RAB30: variants seen among roughly 807,000 people sequenced by gnomAD.
The protein encoded by RAB30 is ras-related protein Rab-30.
Under a neutral mutation model 25.1 loss-of-function variants are expected in RAB30, and 9 were observed. The ratio of observed to expected loss-of-function variants is 0.36; its 90% CI spans 0.22 to 0.63. The LOEUF is 0.63. Ranked by LOEUF, RAB30 falls within the 20% of genes least tolerant of loss-of-function variation. The probability of loss-of-function intolerance (pLI) is 0.69; values close to 1 mark genes in which losing one functional copy is unlikely to be tolerated. For synonymous variants in RAB30, 77 were observed against 86.4 expected (o/e 0.89, Z 0.60); for missense variants, 140 against 243.5 (o/e 0.58, Z 2.83).
intron 1 of RAB30, among the ~76,000 whole-genome samples, chr11:83,048,795 C>T (rs529990445): frequency 6.6e-6 from 1 of 152,322 alleles, no homozygotes; most frequent in African/African-American, 2.4e-5. Flanking sequence ...AAGGTCCTGT[C>T]GTGGCTGCTC....
chr11:83,037,528 G>A (rs947170887), intron 1 of RAB30, among the ~76,000 whole-genome samples: 5 of 152,184 alleles, frequency 3.3e-5, no homozygotes, highest in Non-Finnish European at 7.3e-5. Context: ...GGGATTACAG[G>A]TGTGAGCCAC....
chr11:83,024,618 A>G (rs1051453407), intron 1 of RAB30, among the ~76,000 whole-genome samples: 7 of 152,226 alleles, frequency 4.6e-5, no homozygotes, highest in African/African-American at 1.7e-4. Context: ...AACATTGTAT[A>G]TCTCTGGGGG....
intron 1 of RAB30, among the ~76,000 whole-genome samples, chr11:83,026,458 C>T (rs960400267): frequency 2.0e-5 from 3 of 151,916 alleles, no homozygotes; most frequent in African/African-American, 7.3e-5. Flanking sequence ...GTTAAGAGTA[C>T]GGCACCTCTG....
At chr11:83,027,216 T>A (rs1377268898) in intron 1 of RAB30, among the ~76,000 whole-genome samples, 1 of 152,154 alleles carries the variant, frequency 6.6e-6, no homozygotes, top group Non-Finnish European at 1.5e-5. Context: ...ACCTGAATGA[T>A]GGGTACATGG....
At chr11:83,022,363 T>TTA (rs1295163971) in intron 1 of RAB30, among the ~76,000 whole-genome samples, 1 of 152,202 alleles carries the variant, frequency 6.6e-6, no homozygotes, top group Non-Finnish European at 1.5e-5. Flanking sequence ...CTCACTATAT[T>TTA]GCCCAGGCTG....
intron 1 of RAB30, among the ~76,000 whole-genome samples, chr11:83,043,257 C>T (rs1382631108): frequency 6.6e-6 from 1 of 152,180 alleles, no homozygotes; most frequent in Non-Finnish European, 1.5e-5. Context: ...CTAGACCCCT[C>T]TAGAGCAAAG....
At chr11:83,039,423 A>G (rs578097362) in intron 1 of RAB30, among the ~76,000 whole-genome samples, 94 of 152,386 alleles carry the variant, frequency 6.2e-4, no homozygotes, top group Non-Finnish European at 2.6e-4. Flanking sequence ...TCCTGACTAT[A>G]GTCCCAGCAC....
intron 3 of RAB30, 46 bp from the exon 4 acceptor site, chr11:82,987,816 G>A: frequency 8.0e-7 from 1 of 1,245,730 alleles, no homozygotes; most frequent in Middle Eastern, 2.3e-4. Flanking sequence ...GATCAGGTTG[G>A]AGAAAAAAAG....
intron 1 of RAB30, among the ~76,000 whole-genome samples, chr11:83,066,978 T>C (rs1207297759): frequency 6.6e-6 from 1 of 152,202 alleles, no homozygotes; most frequent in African/African-American, 2.4e-5. Context: ...TTAGGTTAAT[T>C]CACTCACTCT....
intron 1 of RAB30, among the ~76,000 whole-genome samples, chr11:83,029,334 A>G (rs7926686): frequency 0.051 from 7,691 of 152,062 alleles, 272 homozygotes; most frequent in East Asian, 0.11. Flanking sequence ...ACTTACCAAG[A>G]TTTTGACACG....
chr11:83,007,330 C>T (rs2121485195), intron 1 of RAB30, among the ~76,000 whole-genome samples: 1 of 152,246 alleles, frequency 6.6e-6, no homozygotes, highest in South Asian at 2.1e-4. Flanking sequence ...CCTTAGAATA[C>T]TTTTCAAGAT....
At chr11:83,011,172 A>T (rs1379117676) in intron 1 of RAB30, among the ~76,000 whole-genome samples, 1 of 152,252 alleles carries the variant, frequency 6.6e-6, no homozygotes, top group African/African-American at 2.4e-5. Context: ...AGAACTTTGG[A>T]AACACAGAAA....
intron 1 of RAB30, among the ~76,000 whole-genome samples, chr11:83,044,545 C>G (rs1858196674): frequency 6.6e-6 from 1 of 152,128 alleles, no homozygotes. Flanking sequence ...CACTACAAGT[C>G]TGTTCAAAGA....
At chr11:83,051,695 AAC>A (rs1858361262) in intron 1 of RAB30, among the ~76,000 whole-genome samples, 1 of 151,988 alleles carries the variant, frequency 6.6e-6, no homozygotes, top group African/African-American at 2.4e-5. Flanking sequence ...AAAAAAAAAA[AAC>A]AAAAACCCTC....
chr11:83,050,511 G>A (rs1828444404), intron 1 of RAB30, among the ~76,000 whole-genome samples: 1 of 152,146 alleles, frequency 6.6e-6, no homozygotes, highest in Admixed American at 6.5e-5. Flanking sequence ...GAGGCAGTAA[G>A]AGTTAAGAAG....
intron 1 of RAB30, among the ~76,000 whole-genome samples, chr11:83,001,778 T>C (rs1342932229): frequency 2.6e-5 from 4 of 152,120 alleles, no homozygotes; most frequent in African/African-American, 9.7e-5. Flanking sequence ...CACCCAGCCC[T>C]AAATTGACAA....
intron 1 of RAB30, among the ~76,000 whole-genome samples, chr11:83,058,135 T>C (rs1338251093): frequency 2.6e-5 from 4 of 152,232 alleles, no homozygotes; most frequent in Admixed American, 6.5e-5. Context: ...ATTACTCAAA[T>C]GCTTTACATT....
chr11:82,992,736 AACACACAC>A (rs113845129), intron 3 of RAB30, among the ~76,000 whole-genome samples: 10 of 131,216 alleles, frequency 7.6e-5, no homozygotes, highest in African/African-American at 1.2e-4. Context: ...CTCTGTCACC[AACACACAC>A]ACACACACAC....
At chr11:83,056,838 T>TA (rs200483775) in intron 1 of RAB30, among the ~76,000 whole-genome samples, 6 of 152,088 alleles carry the variant, frequency 3.9e-5, no homozygotes, top group Middle Eastern at 3.4e-3. Context: ...GGTCATCAAC[T>TA]AAAAAAAAGT....
Sources: gnomAD v4.1 joint callset for allele counts (sites outside exome capture counted in the v4.1 genomes callset) on GRCh38, gnomAD v4.1.1 for gene constraint, MANE v1.5 for transcripts, NCBI Gene and HGNC (gene_info 2026-07-23, HGNC 2026-07-21) for gene names.